The following KCNT2 variants were observed in gnomAD, a reference collection of about 807,000 sequenced individuals.
The protein encoded by KCNT2 is potassium sodium-activated channel subfamily T member 2.
A neutral mutation model predicts 153.8 loss-of-function variants in KCNT2; 67 were observed. The ratio of observed to expected loss-of-function variants is 0.44; its 90% CI spans 0.36 to 0.53. The LOEUF is 0.53. Among genes scored for constraint, KCNT2 ranks in the 20% least tolerant of loss-of-function variants. KCNT2 has a pLI of 0.00. For synonymous variants in KCNT2, 500 were observed against 458.8 expected (o/e 1.09, Z -1.15); for missense variants, 975 against 1,354.8 (o/e 0.72, Z 4.40).
intron 1 of KCNT2, among the ~76,000 whole-genome samples, chr1:196,575,346 G>T (rs1356924274): frequency 6.6e-6 from 1 of 151,856 alleles, no homozygotes; most frequent in Non-Finnish European, 1.5e-5. Flanking sequence ...TCTCTTTTGA[G>T]AAAATGGACA....
At chr1:196,475,658 A>G (rs764634262) in intron 5 of KCNT2, among the ~76,000 whole-genome samples, 1 of 152,128 alleles carries the variant, frequency 6.6e-6, no homozygotes, top group African/African-American at 2.4e-5. Flanking sequence ...AAATTCTGCT[A>G]CCAAACATGC....
At chr1:196,415,575 T>G (rs1417141946) in intron 12 of KCNT2, among the ~76,000 whole-genome samples, 1 of 151,762 alleles carries the variant, frequency 6.6e-6, no homozygotes, top group Non-Finnish European at 1.5e-5. Context: ...TATTGTTATG[T>G]CCGGATAAGA....
chr1:196,474,544 A>C (rs1678369525), intron 5 of KCNT2, among the ~76,000 whole-genome samples: 1 of 152,178 alleles, frequency 6.6e-6, no homozygotes, highest in Admixed American at 6.5e-5. Context: ...CCAGAAATAA[A>C]CCAGTGTGGT....
At chr1:196,560,014 A>G (rs1049064311) in intron 1 of KCNT2, among the ~76,000 whole-genome samples, 2 of 151,892 alleles carry the variant, frequency 1.3e-5, no homozygotes. Context: ...TAAATATTCT[A>G]AATATTCGAT....
At chr1:196,371,175 G>A (rs1300203532) in intron 14 of KCNT2, among the ~76,000 whole-genome samples, 1 of 138,144 alleles carries the variant, frequency 7.2e-6, no homozygotes, top group African/African-American at 2.9e-5. Flanking sequence ...CTTGAGCCCA[G>A]GAGTTCGAGA....
intron 20 of KCNT2, among the ~76,000 whole-genome samples, chr1:196,318,882 A>G (rs1053368797): frequency 6.6e-6 from 1 of 151,746 alleles, no homozygotes; most frequent in African/African-American, 2.4e-5. Context: ...TGGAAAAGTA[A>G]CATATATTAT....
intron 21 of KCNT2, among the ~76,000 whole-genome samples, chr1:196,313,359 G>A (rs1019636528): frequency 1.3e-5 from 2 of 151,572 alleles, no homozygotes; most frequent in African/African-American, 4.8e-5. Flanking sequence ...CATGAGAATG[G>A]GTGGTGAAGG....
At chr1:196,342,711 T>C (rs1025462595) in intron 14 of KCNT2, among the ~76,000 whole-genome samples, 5 of 152,038 alleles carry the variant, frequency 3.3e-5, no homozygotes, top group African/African-American at 1.2e-4. Flanking sequence ...TACAAATTTA[T>C]CTCAATTTAT....
chr1:196,297,200 AAT>A (rs1303619372), intron 22 of KCNT2, among the ~76,000 whole-genome samples: 3 of 151,958 alleles, frequency 2.0e-5, no homozygotes, highest in African/African-American at 7.2e-5. Flanking sequence ...AAGAATAATA[AAT>A]AGTTAACTAC....
intron 14 of KCNT2, 70 bp from the exon 15 acceptor site, chr1:196,342,298 TG>T: frequency 7.2e-6 from 10 of 1,398,100 alleles, no homozygotes; most frequent in Non-Finnish European, 9.9e-6. Context: ...AAAAAACAGT[TG>T]TTATAGAACT....
chr1:196,545,020 T>A (rs1656895189), intron 1 of KCNT2, among the ~76,000 whole-genome samples: 1 of 152,120 alleles, frequency 6.6e-6, no homozygotes, highest in South Asian at 2.1e-4. Context: ...AAAACATTAA[T>A]CCTCATTCTT....
chr1:196,428,530 T>G (rs1673852346), intron 9 of KCNT2, among the ~76,000 whole-genome samples: 2 of 152,100 alleles, frequency 1.3e-5, no homozygotes, highest in Admixed American at 6.6e-5. Flanking sequence ...CTAAGAGGTT[T>G]GTACCTCTGC....
intron 1 of KCNT2, among the ~76,000 whole-genome samples, chr1:196,562,114 C>A (rs1285771615): frequency 6.6e-6 from 1 of 151,820 alleles, no homozygotes; most frequent in Non-Finnish European, 1.5e-5. Context: ...AGGGAAAAGA[C>A]CTGGAAAGGG....
chr1:196,511,219 A>G (rs543247801), intron 1 of KCNT2, among the ~76,000 whole-genome samples: 1 of 152,200 alleles, frequency 6.6e-6, no homozygotes, highest in Non-Finnish European at 1.5e-5. Flanking sequence ...GCCAGAAAAG[A>G]AAATAAGAAT....
At position 196,482,383 on chromosome 1, in the gene KCNT2, T is replaced by A. The variant is rs757733899; in HGVS notation, c.276-4A>T. On this transcript the variant is annotated splice_polypyrimidine_tract_variant and splice_region_variant and intron_variant, in intron 3 of 27. Transcript: ENST00000294725. Reference sequence around the variant, plus strand: ...GTTCACCCAAAAGATATGAGACCTATAAAAAGAATAATAATAAGTTAGTTT... The same window carrying A: ...GTTCACCCAAAAGATATGAGACCTAAAAAAAGAATAATAATAAGTTAGTTT... 1.4e-6 allele frequency: 2 copies of A among 1,479,122 alleles called. No homozygotes were observed. The highest frequency in any genetic ancestry group is 2.9e-5 in the African/African-American group (2 of 68,228). 91.6% of individuals were successfully genotyped at this position (1,479,122 alleles called of 1,614,324 possible).
chr1:196,328,379 T>G (rs1188481045), intron 18 of KCNT2, among the ~76,000 whole-genome samples: 4 of 151,902 alleles, frequency 2.6e-5, no homozygotes, highest in Non-Finnish European at 5.9e-5. Context: ...TTGGAAGCTA[T>G]CGTGAGAATA....
rs1664726779 is a variant in KCNT2, at chr1:196,333,846, C to T, written c.1997+1G>A. The T allele has an allele frequency of 6.3e-7, 1 of 1,584,168 alleles. No individual in the cohort carries two copies. The highest frequency in any genetic ancestry group is 8.7e-7 in the Non-Finnish European group (1 of 1,154,220). ...TTACACCTTAGAGTATCTGAACATA[C>T]TCTAAGTTTGAAGACATTTCTTCAT... On this transcript the variant is annotated splice_donor_variant, in intron 17 of 27. Coordinates refer to ENST00000294725, the MANE Select transcript of KCNT2 (RefSeq NM_198503.5). LOFTEE classifies it high-confidence loss of function.
chr1:196,255,453 C>T (rs1370970767), intron 26 of KCNT2, among the ~76,000 whole-genome samples: 1 of 151,708 alleles, frequency 6.6e-6, no homozygotes, highest in East Asian at 1.9e-4. Context: ...GTCACTTTAG[C>T]TGTTTCCTCA....
chr1:196,339,851 T>G (rs1315173624), intron 16 of KCNT2, among the ~76,000 whole-genome samples: 1 of 151,972 alleles, frequency 6.6e-6, no homozygotes. Context: ...GTGGTGAGAG[T>G]GAGGTAAGAG....
Sources: gnomAD v4.1 joint callset for allele counts (sites outside exome capture counted in the v4.1 genomes callset) on GRCh38, gnomAD v4.1.1 for gene constraint, MANE v1.5 for transcripts, NCBI Gene and HGNC (gene_info 2026-07-23, HGNC 2026-07-21) for gene names.